Variants in DPYD observed in about 807,000 individuals in gnomAD.
DPYD encodes the protein dihydropyrimidine dehydrogenase [NADP(+)].
A neutral mutation model predicts 116.2 loss-of-function variants in DPYD; 109 were observed. The ratio of observed to expected loss-of-function variants is 0.94; its 90% CI spans 0.80 to 1.10. The LOEUF (loss-of-function observed/expected upper bound fraction) is 1.10, where lower values mean the gene tolerates loss of function less well. DPYD is among the 50% of genes least tolerant of loss of function. DPYD has a pLI of 0.00. For missense variants in DPYD, 1,302 were observed against 1,254.5 expected (o/e 1.04, Z -0.57); for synonymous variants, 440 against 432.0 (o/e 1.02, Z -0.23).
At chr1:97,476,736 A>G (rs996093947) in intron 13 of DPYD, among the ~76,000 whole-genome samples, 14 of 146,980 alleles carry the variant, frequency 9.5e-5, no homozygotes, top group Non-Finnish European at 1.4e-4. Flanking sequence ...CAAAAATACT[A>G]AAAAAAAAAC....
intron 4 of DPYD, among the ~76,000 whole-genome samples, chr1:97,730,110 G>A (rs961024298): frequency 2.6e-5 from 4 of 152,002 alleles, no homozygotes; most frequent in Admixed American, 1.3e-4. Context: ...TTTTTATGAC[G>A]TGTCTTATTT....
chr1:97,242,141 T>G, intron 18 of DPYD, among the ~76,000 whole-genome samples: 1 of 114,624 alleles, frequency 8.7e-6, no homozygotes, highest in African/African-American at 3.2e-5. Flanking sequence ...TATATATATA[T>G]ATATATATAT....
chr1:97,635,152 A>C (rs1042505799), intron 8 of DPYD, among the ~76,000 whole-genome samples: 1 of 152,038 alleles, frequency 6.6e-6, no homozygotes, highest in African/African-American at 2.4e-5. Context: ...TCCAGAGTTT[A>C]AAAGGCACTG....
At chr1:97,264,568 G>A (rs1446626729) in intron 18 of DPYD, among the ~76,000 whole-genome samples, 1 of 152,034 alleles carries the variant, frequency 6.6e-6, no homozygotes, top group Admixed American at 6.6e-5. Flanking sequence ...GTTTTACTAA[G>A]CTAAGACAAA....
chr1:97,183,470 C>A (rs1657786020), intron 20 of DPYD, among the ~76,000 whole-genome samples: 8 of 151,922 alleles, frequency 5.3e-5, no homozygotes, highest in Admixed American at 5.3e-4. Flanking sequence ...ATTTGTCTAC[C>A]CTGACACCCA....
At chr1:97,821,690 T>C (rs1415835654) in intron 3 of DPYD, among the ~76,000 whole-genome samples, 3 of 152,324 alleles carry the variant, frequency 2.0e-5, no homozygotes, top group Middle Eastern at 3.4e-3. Context: ...TTGGACAAGA[T>C]ATACAGCTTC....
chr1:97,425,341 T>C (rs926681138), intron 14 of DPYD, among the ~76,000 whole-genome samples: 1 of 152,052 alleles, frequency 6.6e-6, no homozygotes, highest in Non-Finnish European at 1.5e-5. Flanking sequence ...AGAAAACAAT[T>C]AAGCAAATCG....
chr1:97,603,489 C>G (rs886114847), intron 8 of DPYD, among the ~76,000 whole-genome samples: 2 of 151,960 alleles, frequency 1.3e-5, no homozygotes, highest in African/African-American at 4.8e-5. Flanking sequence ...AACCCTCAAC[C>G]AACCACCTAA....
At chr1:97,492,149 C>T (rs188672570) in intron 13 of DPYD, among the ~76,000 whole-genome samples, 83 of 152,088 alleles carry the variant, frequency 5.5e-4, no homozygotes, top group African/African-American at 1.8e-3. Context: ...ATATTAAGCT[C>T]GATATAGTCA....
At chr1:97,468,681 G>GA (rs1427791952) in intron 13 of DPYD, among the ~76,000 whole-genome samples, 3 of 152,308 alleles carry the variant, frequency 2.0e-5, no homozygotes, top group Non-Finnish European at 2.9e-5. Flanking sequence ...AGGCAGTACA[G>GA]AAACAGGTGG....
At chr1:97,487,997 A>T (rs1678745842) in intron 13 of DPYD, among the ~76,000 whole-genome samples, 1 of 152,206 alleles carries the variant, frequency 6.6e-6, no homozygotes, top group Non-Finnish European at 1.5e-5. Context: ...CTTTATTTGT[A>T]GTAACAAAAA....
intron 1 of DPYD, among the ~76,000 whole-genome samples, chr1:97,894,681 A>T (rs1184146860): frequency 6.6e-6 from 1 of 151,754 alleles, no homozygotes; most frequent in Non-Finnish European, 1.5e-5. Flanking sequence ...AATAACATAT[A>T]TACTTTATAT....
intron 10 of DPYD, among the ~76,000 whole-genome samples, chr1:97,583,386 T>G (rs537765697): frequency 6.6e-6 from 1 of 152,300 alleles, no homozygotes; most frequent in Admixed American, 6.5e-5. Context: ...TTACATATGA[T>G]GACGTTTTCT....
intron 8 of DPYD, among the ~76,000 whole-genome samples, chr1:97,678,676 G>A (rs547230852): frequency 3.9e-5 from 6 of 152,168 alleles, no homozygotes; most frequent in African/African-American, 1.4e-4. Context: ...AATAAGAAAA[G>A]TCTTTAGAAA....
chr1:97,272,546 G>T (rs529641082), intron 18 of DPYD, among the ~76,000 whole-genome samples: 2 of 152,084 alleles, frequency 1.3e-5, no homozygotes, highest in African/African-American at 4.8e-5. Flanking sequence ...AATCCCTTGA[G>T]TTATTTTTAA....
chr1:97,217,853 G>A (rs1316196079), intron 19 of DPYD, among the ~76,000 whole-genome samples: 2 of 152,164 alleles, frequency 1.3e-5, no homozygotes, highest in African/African-American at 2.4e-5. Flanking sequence ...GGCTGGAGCA[G>A]GAGGGAGATA....
intron 3 of DPYD, among the ~76,000 whole-genome samples, chr1:97,760,994 C>T (rs920294385): frequency 1.3e-5 from 2 of 152,038 alleles, no homozygotes; most frequent in South Asian, 4.1e-4. Context: ...AAGGAGGAAT[C>T]CAACACAGAT....
At chr1:97,774,038 G>A (rs761080942) in intron 3 of DPYD, among the ~76,000 whole-genome samples, 10 of 152,258 alleles carry the variant, frequency 6.6e-5, no homozygotes, top group East Asian at 3.9e-4. Context: ...TTTGGGAGCC[G>A]TAAACACCCA....
At chr1:97,661,459 T>C (rs1659252848) in intron 8 of DPYD, among the ~76,000 whole-genome samples, 1 of 152,164 alleles carries the variant, frequency 6.6e-6, no homozygotes, top group Non-Finnish European at 1.5e-5. Flanking sequence ...TTTAGGAGAA[T>C]ACAATATTTA....
Sources: allele counts gnomAD v4.1 joint callset (sites outside exome capture counted in the v4.1 genomes callset), GRCh38; gene constraint gnomAD v4.1.1; transcripts MANE v1.5; gene names NCBI Gene and HGNC (gene_info 2026-07-23, HGNC 2026-07-21).